Variants in LMNTD1 observed in about 807,000 individuals in gnomAD.
LMNTD1 encodes lamin tail domain-containing protein 1.
LMNTD1 carries 35 observed loss-of-function variants against 50.9 expected under a neutral mutation model. That is an observed-to-expected ratio of 0.69 (90% CI 0.53 to 0.91). The LOEUF (loss-of-function observed/expected upper bound fraction) is 0.91, where lower values mean the gene tolerates loss of function less well. Ranked by LOEUF, LMNTD1 falls within the 40% of genes least tolerant of loss-of-function variation. The pLI is 0.00. For missense variants in LMNTD1, 470 were observed against 475.5 expected (o/e 0.99, Z 0.11); for synonymous variants, 153 against 161.9 (o/e 0.94, Z 0.42).
At chr12:25,612,800 T>G (rs1946277059) in intron 1 of LMNTD1, among the ~76,000 whole-genome samples, 1 of 152,190 alleles carries the variant, frequency 6.6e-6, no homozygotes, top group Non-Finnish European at 1.5e-5. Flanking sequence ...ATCTAGGTCT[T>G]AATTTCTGGA....
intron 9 of LMNTD1, among the ~76,000 whole-genome samples, chr12:25,481,864 TTC>T (rs1491208611): frequency 4.9e-5 from 4 of 82,444 alleles, no homozygotes; most frequent in African/African-American, 9.1e-5. Flanking sequence ...ATATTGCCTC[TTC>T]ACACACACAC....
chr12:25,508,159 GA>G (rs1174005408), intron 8 of LMNTD1, among the ~76,000 whole-genome samples: 2 of 151,990 alleles, frequency 1.3e-5, no homozygotes, highest in Admixed American at 6.6e-5. Context: ...ATACATGAAG[GA>G]AAGTTCACAA....
upstream of LMNTD1, among the ~76,000 whole-genome samples, chr12:25,555,764 T>A (rs1009987349): frequency 6.6e-6 from 1 of 152,152 alleles, no homozygotes; most frequent in Non-Finnish European, 1.5e-5. Flanking sequence ...AATAGTTACA[T>A]GGAGATTCAT....
At chr12:25,482,794 C>T (rs772774115) in intron 9 of LMNTD1, among the ~76,000 whole-genome samples, 8 of 152,024 alleles carry the variant, frequency 5.3e-5, no homozygotes, top group South Asian at 2.1e-4. Flanking sequence ...AAGAGGCACA[C>T]GCTTAGGAAA....
intron 1 of LMNTD1, among the ~76,000 whole-genome samples, chr12:25,563,428 T>G (rs1010977281): frequency 1.3e-5 from 2 of 152,240 alleles, no homozygotes; most frequent in African/African-American, 4.8e-5. Flanking sequence ...GCTGTTTGCC[T>G]GGGTATCACC....
At chr12:25,617,377 C>T (rs373031803) in intron 1 of LMNTD1, among the ~76,000 whole-genome samples, 1 of 152,150 alleles carries the variant, frequency 6.6e-6, no homozygotes, top group South Asian at 2.1e-4. Flanking sequence ...ACTTCACTGA[C>T]ATCAGTCAAA....
At chr12:25,530,977 A>G (rs774487488) in intron 4 of LMNTD1, among the ~76,000 whole-genome samples, 1 of 152,192 alleles carries the variant, frequency 6.6e-6, no homozygotes, top group African/African-American at 2.4e-5. Context: ...GTCAGAGAGA[A>G]TCCAAGCACG....
intron 4 of LMNTD1, among the ~76,000 whole-genome samples, chr12:25,531,586 G>GT (rs557265731): frequency 3.7e-4 from 56 of 151,218 alleles, no homozygotes; most frequent in African/African-American, 1.0e-3. Flanking sequence ...TTTTGTTTTT[G>GT]TTTTTTTTAA....
At chr12:25,503,065 A>T (rs963016175) in intron 9 of LMNTD1, 1 of 152,264 alleles carries the variant, frequency 6.6e-6, no homozygotes, top group Non-Finnish European at 1.5e-5. Flanking sequence ...AACAACAACA[A>T]GAAAACATAT....
At position 25,518,813 on chromosome 12, in the gene LMNTD1, T is replaced by C; in HGVS notation, c.1171A>G (p.Arg391Gly). Residue 391 changes from arginine to glycine, a missense_variant, in exon 8 of 10, where the codon AGA becomes GGA. Transcript: ENST00000458174. Reference sequence around the variant, plus strand: ...AACTGACCTGAGGCTCGATTAGGTCTGGTTGACCGAGTCCTGGGCTGTCTA... The same window carrying C: ...AACTGACCTGAGGCTCGATTAGGTCCGGTTGACCGAGTCCTGGGCTGTCTA... ...LDRQPRTRST[R>G]PNRASGSKKK... The C allele has an allele frequency of 6.2e-7, 1 of 1,614,132 alleles. No individual in the cohort carries two copies.
chr12:25,543,672 C>T (rs181089483), intron 4 of LMNTD1, among the ~76,000 whole-genome samples: 4 of 150,678 alleles, frequency 2.7e-5, no homozygotes, highest in East Asian at 2.0e-4. Context: ...CCTTGAGATA[C>T]GTTGTTAGAT....
chr12:25,560,638 A>G (rs1344805243), intron 1 of LMNTD1, among the ~76,000 whole-genome samples: 10 of 152,218 alleles, frequency 6.6e-5, no homozygotes, highest in Admixed American at 6.5e-5. Flanking sequence ...CTTGGGGGAT[A>G]TAGCCATTTT....
intron 1 of LMNTD1, among the ~76,000 whole-genome samples, chr12:25,604,968 T>C (rs1342440511): frequency 5.3e-5 from 8 of 152,152 alleles, no homozygotes; most frequent in Admixed American, 5.2e-4. Context: ...CCACCAACAG[T>C]GTAAAAGTGT....
intron 1 of LMNTD1, among the ~76,000 whole-genome samples, chr12:25,642,317 G>A (rs1013728190): frequency 6.6e-6 from 1 of 152,168 alleles, no homozygotes; most frequent in African/African-American, 2.4e-5. Flanking sequence ...GGTCATGAGG[G>A]TTGAGCCCCC....
chr12:25,557,036 C>T (rs1445453247), upstream of LMNTD1, among the ~76,000 whole-genome samples: 1 of 152,164 alleles, frequency 6.6e-6, no homozygotes, highest in Non-Finnish European at 1.5e-5. Context: ...ATTTTAAACA[C>T]TATGACATGT....
chr12:25,580,803 TC>T (rs1945250227), intron 1 of LMNTD1, among the ~76,000 whole-genome samples: 2 of 152,188 alleles, frequency 1.3e-5, no homozygotes, highest in Admixed American at 6.5e-5. Flanking sequence ...GACTTTGAAA[TC>T]AGACAAACCG....
chr12:25,544,653 T>C (rs1943310621), intron 4 of LMNTD1, among the ~76,000 whole-genome samples: 2 of 151,850 alleles, frequency 1.3e-5, no homozygotes, highest in South Asian at 4.1e-4. Flanking sequence ...TCTTTTGTGG[T>C]TAAGTAATTT....
Position 25,587,995 on chromosome 12 carries a change from TA to T in LMNTD1, c.59-41442del, listed in dbSNP as rs1292579448. ...CTTGGGCAGCAAATTTGTTTAGTTA[TA>T]ACTTGTCAAGCTGTTTCATACTAAG... On this transcript the variant is annotated intron_variant, in intron 1 of 7. Coordinates refer to the LMNTD1 transcript ENST00000445693. Among the ~76,000 whole-genome samples the T allele has an allele frequency of 1.3e-4, 20 of 152,332 alleles. No individual in the cohort carries two copies. The South Asian group carries it at 2.7e-3, about 21-fold the overall frequency.
intron 6 of LMNTD1, among the ~76,000 whole-genome samples, chr12:25,520,927 A>G (rs1448259523): frequency 6.6e-6 from 1 of 152,192 alleles, no homozygotes; most frequent in Non-Finnish European, 1.5e-5. Context: ...GATAGCTCAT[A>G]ACGATTTTAA....
Sources: allele counts gnomAD v4.1 joint callset (sites outside exome capture counted in the v4.1 genomes callset), GRCh38; gene constraint gnomAD v4.1.1; transcripts MANE v1.5; gene names NCBI Gene and HGNC (gene_info 2026-07-23, HGNC 2026-07-21).